The following DNAH9 variants were observed in gnomAD, a reference collection of about 807,000 sequenced individuals.
DNAH9 encodes the protein dynein axonemal heavy chain 9.
Under a neutral mutation model 471.6 loss-of-function variants are expected in DNAH9, and 345 were observed. The observed-to-expected ratio is 0.73, with a 90% CI of 0.67 to 0.80. The LOEUF (loss-of-function observed/expected upper bound fraction) is 0.80. Ranked by LOEUF, DNAH9 falls within the 30% of genes least tolerant of loss-of-function variation. The probability of loss-of-function intolerance (pLI) is 0.00; values close to 1 mark genes in which losing one functional copy is unlikely to be tolerated. For synonymous variants in DNAH9, 2,093 were observed against 2,123.6 expected (o/e 0.99, Z 0.40); for missense variants, 5,407 against 5,609.2 (o/e 0.96, Z 1.15).
intron 49 of DNAH9, among the ~76,000 whole-genome samples, chr17:11,841,879 T>C (rs963841566): frequency 6.6e-6 from 1 of 152,180 alleles, no homozygotes; most frequent in Non-Finnish European, 1.5e-5. Flanking sequence ...CACATGGGCA[T>C]CTTTTCAAAT....
chr17:11,667,176 A>G (rs1416606929), intron 15 of DNAH9, among the ~76,000 whole-genome samples: 1 of 152,214 alleles, frequency 6.6e-6, no homozygotes, highest in Non-Finnish European at 1.5e-5. Context: ...TCCGTAAACT[A>G]TATGCAACTT....
chr17:11,815,677 A>T (rs1970072772), intron 45 of DNAH9, among the ~76,000 whole-genome samples: 1 of 152,094 alleles, frequency 6.6e-6, no homozygotes. Flanking sequence ...AGGTCCCAGC[A>T]ACTCGGGAGG....
Position 11,768,593 on chromosome 17 carries a change from C to T in DNAH9, c.7311C>T (p.Pro2437=), listed in dbSNP as rs1342054773. 1 of 1,614,104 alleles carries T rather than the reference C, an allele frequency of 6.2e-7. No homozygotes were observed. The highest frequency in any genetic ancestry group is 8.5e-7 in the Non-Finnish European group (1 of 1,179,996). The change falls in exon 37 of 69, where the codon CCC becomes CCT. Residue 2437 remains proline, a synonymous_variant. Coordinates refer to ENST00000262442, the MANE Select transcript of DNAH9 (RefSeq NM_001372.4). ...KKFEPWSKLV[P]QFEFDPEMPL... ...TCGAGCCTTGGTCCAAGCTCGTCCC[C>T]CAGTTCGAATTTGACCCCGAGATGC... is the stretch of plus-strand genomic sequence containing the variant.
At chr17:11,793,379 C>T in intron 41 of DNAH9, 124 bp from the exon 42 acceptor site, 1 of 825,140 alleles carries the variant, frequency 1.2e-6, no homozygotes, top group Middle Eastern at 2.4e-4. Flanking sequence ...CTAGAATGAT[C>T]TGTTTAGCAA....
chr17:11,657,655 T>G (rs2150711051), intron 14 of DNAH9, among the ~76,000 whole-genome samples: 1 of 152,194 alleles, frequency 6.6e-6, no homozygotes, highest in Admixed American at 6.5e-5. Context: ...TTTTTTTCTT[T>G]TAGAAGTTTT....
In DNAH9 at chr17:11,784,341, T is replaced by G. The variant is rs778510109; in HGVS notation, c.7863T>G (p.Asp2621Glu). 1 of 1,614,216 alleles carries G rather than the reference T, an allele frequency of 6.2e-7. No individual in the cohort carries two copies. The highest frequency in any genetic ancestry group is 2.2e-5 in the East Asian group (1 of 44,878). The stretch of plus-strand genomic sequence containing the variant: ...TTGTCCTCTCCTTCCCGGGGGCAGA[T>G]GCCCTGTCCTCTATCTACAGCATCA... ...SVFVLSFPGA[D>E]ALSSIYSIIL... The change falls in exon 41 of 69, where the codon GAT becomes GAG. Residue 2621 changes from aspartate (D) to glutamate (E), a missense_variant. This residue lies in a region of DNAH9 where 4,636 missense variants were observed against 4,900.3 expected (regional missense o/e 0.95). Transcript: ENST00000262442.
intron 6 of DNAH9, among the ~76,000 whole-genome samples, chr17:11,629,177 C>T (rs2073021917): frequency 6.6e-6 from 1 of 151,446 alleles, no homozygotes; most frequent in South Asian, 2.1e-4. Flanking sequence ...ATACATGTGC[C>T]ATGTTGGTGT....
Position 11,875,049 on chromosome 17 carries a change from T to C in DNAH9, c.10343T>C (p.Met3448Thr), listed in dbSNP as rs777344181. The C allele has an allele frequency of 3.7e-6, 6 of 1,614,012 alleles. No individual in the cohort carries two copies. The Admixed American group carries it at 8.3e-5, about 22-fold the overall frequency. Residue 3448 changes from methionine (M) to threonine (T), a missense_variant, in exon 53 of 69, where the codon ATG becomes ACG. Met to Thr is a moderately conservative substitution (Grantham distance 81). Around this residue, in one of 3 missense-constraint regions of DNAH9, gnomAD observed 4,636 missense variants for 4,900.3 expected, o/e 0.95. Transcript: ENST00000262442. ...AACGAGGGCCTCCCAGCCGACCGCA[T>C]GTCCGTGGAGAATGCCACCATTCTC... ...WQNEGLPADRMSVENATILIN... is the reference protein window; with the variant it reads ...WQNEGLPADRTSVENATILIN...
chr17:11,742,846 C>G (rs1014326302), intron 30 of DNAH9, among the ~76,000 whole-genome samples: 5 of 152,208 alleles, frequency 3.3e-5, no homozygotes, highest in Non-Finnish European at 5.9e-5. Flanking sequence ...TGGGCTGTCC[C>G]CAATGAGCTT....
chr17:11,883,550 A>G, intron 55 of DNAH9, 36 bp from the exon 56 acceptor site: 1 of 1,610,454 alleles, frequency 6.2e-7, no homozygotes, highest in Non-Finnish European at 8.5e-7. Context: ...TGCCCTGGGC[A>G]TCTGCACCTG....
At chr17:11,680,054 G>A (rs2074108609) in intron 18 of DNAH9, 75 bp downstream of exon 18, 6 of 1,191,886 alleles carry the variant, frequency 5.0e-6, no homozygotes, top group Non-Finnish European at 7.3e-6. Context: ...GTAAAGTGGG[G>A]TACAGCAAAT....
At chr17:11,866,811 G>A (rs1301925794) in intron 50 of DNAH9, among the ~76,000 whole-genome samples, 1 of 152,234 alleles carries the variant, frequency 6.6e-6, no homozygotes, top group Non-Finnish European at 1.5e-5. Context: ...TGTGGGCATA[G>A]GACCCTCCGA....
intron 25 of DNAH9, 122 bp downstream of exon 25, chr17:11,704,564 T>A: frequency 1.2e-6 from 1 of 837,420 alleles, no homozygotes; most frequent in Non-Finnish European, 1.8e-6. Context: ...TGGGGGAGGA[T>A]CACAGTGGCT....
chr17:11,630,575 A>G (rs1301386208), intron 7 of DNAH9: 1 of 152,238 alleles, frequency 6.6e-6, no homozygotes, highest in Admixed American at 6.5e-5. Flanking sequence ...GAGGGAGAGC[A>G]TTAGGACAAA....
rs1374255235 is a variant in DNAH9, at chr17:11,637,512, C to T, written c.1786+728C>T. Among the ~76,000 whole-genome samples, 16 of 152,188 alleles carry T rather than the reference C, an allele frequency of 1.1e-4. No individual in the cohort carries two copies. The South Asian group carries it at 2.3e-3, about 22-fold the overall frequency. On this transcript the variant is annotated intron_variant, in intron 9 of 68. Transcript: ENST00000262442. Reference sequence around the variant, plus strand: ...TCTCAGGAGGCTGAGGTGGGAGGATCGCTTGAGTTCAGGAGTTCGAGGCTG... The same window carrying T: ...TCTCAGGAGGCTGAGGTGGGAGGATTGCTTGAGTTCAGGAGTTCGAGGCTG...
chr17:11,843,275 G>T (rs56202621), intron 49 of DNAH9, among the ~76,000 whole-genome samples: 2 of 152,036 alleles, frequency 1.3e-5, no homozygotes, highest in Middle Eastern at 3.4e-3. Context: ...AAAAATAAAA[G>T]GGAAAGTTAA....
intron 14 of DNAH9, among the ~76,000 whole-genome samples, chr17:11,660,588 G>A (rs1597447220): frequency 6.6e-6 from 1 of 152,286 alleles, no homozygotes; most frequent in East Asian, 1.9e-4. Flanking sequence ...CTCTCAAACT[G>A]CTGGGATTAC....
At chr17:11,758,109 A>T (rs1450662080) in intron 35 of DNAH9, among the ~76,000 whole-genome samples, 2 of 151,618 alleles carry the variant, frequency 1.3e-5, no homozygotes, top group African/African-American at 4.8e-5. Context: ...TGTGGGGCCC[A>T]CTCCCCGTCC....
In DNAH9 at chr17:11,952,309, C is replaced by CTTTTTTTTTTT. The variant is rs753276964; in HGVS notation, c.12844-9540_12844-9530dup. Among the ~76,000 whole-genome samples, 20 of 71,086 alleles carry CTTTTTTTTTTT rather than the reference C, an allele frequency of 2.8e-4. 1 individual carries two copies. Among genetic ancestry groups the CTTTTTTTTTTT allele is most frequent in the African/African-American group, 9.9e-4 (16 of 16,114 alleles). The allele number at this position is 71,086 out of a possible 152,430, so 46.6% of individuals were successfully genotyped here. ...CATGCACCATTACACCCAGCTAATTCTTTTTTTTTTTTTTTTTTTTTTTTT... is the reference window on the plus strand; with the variant it reads ...CATGCACCATTACACCCAGCTAATTCTTTTTTTTTTTTTTTTTTTTTTTTTTTTTTTTTTTT... On this transcript the variant is annotated intron_variant, in intron 67 of 68. Transcript: ENST00000262442.
Sources: gnomAD v4.1 joint callset for allele counts (sites outside exome capture counted in the v4.1 genomes callset) on GRCh38, gnomAD v4.1.1 for gene constraint, gnomAD v4.1.1 regional missense constraint, MANE v1.5 for transcripts, NCBI Gene and HGNC (gene_info 2026-07-23, HGNC 2026-07-21) for gene names.